CYP4V2: variants seen among roughly 807,000 people sequenced by gnomAD.
CYP4V2 encodes cytochrome P450 4V2.
In CYP4V2, 55 loss-of-function variants were observed where a neutral mutation model predicts 60.8. The observed-to-expected ratio is 0.90, with a 90% CI of 0.73 to 1.13. The LOEUF is 1.13. Among genes scored for constraint, CYP4V2 ranks in the 50% most tolerant of loss-of-function variants. CYP4V2 has a pLI of 0.00. For missense variants in CYP4V2, 675 were observed against 662.9 expected, an observed-to-expected ratio of 1.02 and a Z score of -0.20; for synonymous variants, 239 against 236.8, an observed-to-expected ratio of 1.01 and a Z score of -0.08.
intron 7 of CYP4V2, chr4:186,203,835 C>T (rs1229169856): frequency 6.6e-6 from 1 of 152,054 alleles, no homozygotes; most frequent in Non-Finnish European, 1.5e-5. Flanking sequence ...GAATAAGCCC[C>T]GAGCAATTCA....
rs567950253 is a variant in CYP4V2 at position 186,195,505 on chromosome 4, G to A, written c.328-498G>A. ...CGTGGACTCTGGGTGATCCGATCACGTTCATGGCTTCCATTGCTGCCTCTA... is the reference window on the plus strand; with the variant it reads ...CGTGGACTCTGGGTGATCCGATCACATTCATGGCTTCCATTGCTGCCTCTA... On this transcript the variant is annotated intron_variant, in intron 2 of 10. Coordinates refer to ENST00000378802, the MANE Select transcript of CYP4V2 (RefSeq NM_207352.4). The surrounding 1 kb of genome is among the most constrained non-coding windows in gnomAD (Gnocchi z 4.1). 4.6e-5 allele frequency among the ~76,000 whole-genome samples: 7 copies of A among 152,248 alleles called. No homozygotes were observed. Among genetic ancestry groups the A allele is most frequent in the South Asian group, 4.1e-4 (2 of 4,824 alleles).
At position 186,210,438 on chromosome 4, in the gene CYP4V2, C is replaced by G. The variant is rs1360401666; in HGVS notation, c.1406-31C>G. 4.3e-6 allele frequency: 7 copies of G among 1,613,922 alleles called. No homozygotes were observed. In the Admixed American group the frequency reaches 1.2e-4, roughly 27 times the overall value. On this transcript the variant is annotated intron_variant, in intron 10 of 10. Transcript: ENST00000378802. ...TCTCACATTTGGGGTAAATCTATAA[C>G]TAAAGCGATGGTATCTACATTAATT...
At position 186,202,924 on chromosome 4, in the gene CYP4V2, A is replaced by ACATG. The variant is rs1435516720; in HGVS notation, c.987+1590_987+1593dup. On this transcript the variant is annotated intron_variant, in intron 7 of 10. Coordinates refer to ENST00000378802, the MANE Select transcript of CYP4V2 (RefSeq NM_207352.4). ...CATGCACACATATACCCACATGCAC[A>ACATG]CATGCATGCATACACATACATGCAC... 3.3e-5 allele frequency: 5 copies of ACATG among 150,228 alleles called. No homozygotes were observed. In the East Asian group the frequency reaches 9.9e-4, roughly 30 times the overall value. 9.3% of individuals were successfully genotyped at this position (150,228 alleles called of 1,614,324 possible). A position where few individuals can be genotyped will look rare whatever the true frequency, so the allele number is the denominator to read the frequency against.
At chr4:186,201,103 T>G in intron 6 of CYP4V2, 54 bp from the exon 7 acceptor site, 1 of 1,554,868 alleles carries the variant, frequency 6.4e-7, no homozygotes, top group Admixed American at 1.7e-5. Context: ...ATGTGTTAAC[T>G]AGGGTGCATC....
At chr4:186,194,759 T>C in intron 2 of CYP4V2, 147 bp downstream of exon 2, 1 of 729,320 alleles carries the variant, frequency 1.4e-6, no homozygotes. Flanking sequence ...TAGGTGCAAT[T>C]TAATGCTTTC....
At chr4:186,197,413 A>T in intron 4 of CYP4V2, 120 bp from the exon 5 acceptor site, 1 of 1,061,858 alleles carries the variant, frequency 9.4e-7, no homozygotes, top group South Asian at 1.3e-5. Flanking sequence ...GAGGAAGAAG[A>T]ATTCTGAAAT....
At chr4:186,204,798 G>A (rs1033138547) in intron 7 of CYP4V2, 5 of 275,460 alleles carry the variant, frequency 1.8e-5, no homozygotes, top group African/African-American at 1.3e-4. Context: ...TCTACCCCCT[G>A]GTGCCCGTCA....
chr4:186,196,454 T>A (rs1400451664), intron 3 of CYP4V2: 1 of 337,750 alleles, frequency 3.0e-6, no homozygotes, highest in East Asian at 7.2e-5. Flanking sequence ...CCCAGAGAAG[T>A]ACAGTGAGCT....
intron 7 of CYP4V2, chr4:186,204,251 A>AGCGTCCTTACTGCACAGGGTGTGGAGG (rs1736413447): frequency 6.1e-6 from 1 of 163,404 alleles, no homozygotes; most frequent in Non-Finnish European, 1.4e-5. Context: ...GTGGCGGTGG[A>AGCGTCCTTACTGCACAGGGTGTGGAGG]GACGCTACGC....
At position 186,191,698 on chromosome 4, in the gene CYP4V2, C is replaced by A; in HGVS notation, c.-126C>A. ...AACGTCGTTCCGGGGACCGGGCGACCCCGCAGCGGGGAGCGCGCCAGGTCC... is the reference window on the plus strand; with the variant it reads ...AACGTCGTTCCGGGGACCGGGCGACACCGCAGCGGGGAGCGCGCCAGGTCC... On this transcript the variant is annotated 5_prime_UTR_variant, in exon 1 of 11. Transcript: ENST00000378802. 3 of 935,658 alleles carry A rather than the reference C, an allele frequency of 3.2e-6. No homozygotes were observed. Among genetic ancestry groups the A allele is most frequent in the Non-Finnish European group, 1.4e-6 (1 of 722,244 alleles). 58.0% of individuals were successfully genotyped at this position (935,658 alleles called of 1,614,324 possible). A position where few individuals can be genotyped will look rare whatever the true frequency, so the allele number is the denominator to read the frequency against.
intron 8 of CYP4V2, among the ~76,000 whole-genome samples, chr4:186,208,278 G>A (rs1235813977): frequency 2.0e-5 from 3 of 147,856 alleles, no homozygotes; most frequent in African/African-American, 7.6e-5. Flanking sequence ...AGCATCCCCT[G>A]CCTTGATCCA....
intron 8 of CYP4V2, among the ~76,000 whole-genome samples, chr4:186,207,705 A>G (rs929871165): frequency 1.3e-5 from 2 of 151,872 alleles, no homozygotes; most frequent in Non-Finnish European, 2.9e-5. Flanking sequence ...TAGTACCTTC[A>G]CCATGTTGTA....
rs538948358 is a variant in CYP4V2, at chr4:186,194,169, T to G, written c.215-331T>G. 2.0e-3 allele frequency among the ~76,000 whole-genome samples: 302 copies of G among 152,320 alleles called. 2 individuals carry two copies. The highest frequency in any genetic ancestry group is 2.7e-3 in the Non-Finnish European group (182 of 68,018). ...GAGTCTCGCTCGGTACAAGCCAGTT[T>G]CCACCATTTACTAGCTCTGTGATAC... is the stretch of plus-strand genomic sequence containing the variant. On this transcript the variant is annotated intron_variant, in intron 1 of 10. Transcript: ENST00000378802.
At chr4:186,206,252 A>G (rs1216293643) in intron 8 of CYP4V2, among the ~76,000 whole-genome samples, 1 of 152,088 alleles carries the variant, frequency 6.6e-6, no homozygotes, top group Non-Finnish European at 1.5e-5. Context: ...TGTGTCTTTC[A>G]CAAGCATACT....
chr4:186,207,142 C>T (rs1431903866), intron 8 of CYP4V2, among the ~76,000 whole-genome samples: 1 of 152,064 alleles, frequency 6.6e-6, no homozygotes, highest in Non-Finnish European at 1.5e-5. Context: ...GGCTCGGTGG[C>T]TCACGCCTGT....
chr4:186,199,229 G>T, intron 6 of CYP4V2, 146 bp downstream of exon 6: 3 of 852,580 alleles, frequency 3.5e-6, no homozygotes, highest in Non-Finnish European at 3.7e-6. Flanking sequence ...AGAACTTTTG[G>T]TAAGTCCATG....
intron 8 of CYP4V2, among the ~76,000 whole-genome samples, chr4:186,208,202 G>C (rs557267444): frequency 6.7e-6 from 1 of 148,274 alleles, no homozygotes; most frequent in South Asian, 2.3e-4. Context: ...TGGGTATTTA[G>C]CATCCCCTGC....
Position 186,201,262 on chromosome 4 carries a change from CT to C in CYP4V2, c.911del (p.Leu304Ter), listed in dbSNP as rs1180536721. The C allele has an allele frequency of 5.0e-6, 8 of 1,614,002 alleles. No individual in the cohort carries two copies. Among genetic ancestry groups the C allele is most frequent in the Non-Finnish European group, 6.8e-6 (8 of 1,180,028 alleles). On this transcript the variant is annotated frameshift_variant, in exon 7 of 11. Coordinates refer to ENST00000378802, the MANE Select transcript of CYP4V2 (RefSeq NM_207352.4). LOFTEE classifies it high-confidence loss of function. ...TAAACGCAGGGCCTTTCTTGACTTG[CT>C]TTTAAGTGTGACTGATGACGAAGGG... Reference protein sequence around the residue: ...KNKRRAFLDLLLSVTDDEGNR... With the variant: ...KNKRRAFLDLXLSVTDDEGNR...
intron 6 of CYP4V2, among the ~76,000 whole-genome samples, chr4:186,199,873 TC>T (rs1191227096): frequency 3.3e-5 from 5 of 152,220 alleles, no homozygotes; most frequent in African/African-American, 1.2e-4. Context: ...TTTAAATATG[TC>T]CTTTCTTTGC....
Sources: gnomAD v4.1 joint callset for allele counts (sites outside exome capture counted in the v4.1 genomes callset) on GRCh38, gnomAD v4.1.1 for gene constraint, Gnocchi (gnomAD v3.1) non-coding constraint, MANE v1.5 for transcripts, NCBI Gene and HGNC (gene_info 2026-07-23, HGNC 2026-07-21) for gene names.